The following PCDH15 variants were observed in gnomAD, a reference collection of about 807,000 sequenced individuals.
PCDH15 encodes the protein protocadherin related 15.
Under a neutral mutation model 178.5 loss-of-function variants are expected in PCDH15, and 129 were observed. The observed-to-expected ratio is 0.72, with a 90% CI of 0.63 to 0.84. The LOEUF is 0.84. PCDH15 is among the 40% of genes least tolerant of loss of function. The probability of loss-of-function intolerance (pLI) is 0.00; values close to 1 mark genes in which losing one functional copy is unlikely to be tolerated. For synonymous variants in PCDH15, 800 were observed against 732.0 expected (o/e 1.09, Z -1.50); for missense variants, 2,230 against 2,099.9 (o/e 1.06, Z -1.21).
chr10:54,396,097 C>T (rs1165064622), intron 3 of PCDH15, among the ~76,000 whole-genome samples: 1 of 152,154 alleles, frequency 6.6e-6, no homozygotes, highest in Non-Finnish European at 1.5e-5. Context: ...AAATATCCCC[C>T]TTCCCCTCTA....
Position 54,870,481 on chromosome 10 carries a change from T to C in PCDH15, c.-29+26969A>G, listed in dbSNP as rs145504560. Among the ~76,000 whole-genome samples, 76 of 152,226 alleles carry C rather than the reference T, an allele frequency of 5.0e-4. No individual in the cohort carries two copies. The East Asian group carries it at 0.012, about 24-fold the overall frequency. On this transcript the variant is annotated intron_variant, in intron 3 of 5. Coordinates refer to the PCDH15 transcript ENST00000458638. ...GTCACTGAGTTAGTTTGCAAGTACT[T>C]GGATCAAAATTCCACATAAAAAGAC...
chr10:55,278,250 T>A (rs1842645535), intron 1 of PCDH15, among the ~76,000 whole-genome samples: 1 of 151,426 alleles, frequency 6.6e-6, no homozygotes, highest in Non-Finnish European at 1.5e-5. Flanking sequence ...TATCTTTTCA[T>A]GAATATTAAA....
At chr10:54,490,466 A>C (rs118019711) in intron 3 of PCDH15, among the ~76,000 whole-genome samples, 6,607 of 151,742 alleles carry the variant, frequency 0.044, 231 homozygotes, top group South Asian at 0.11. Flanking sequence ...AAATAAATAA[A>C]TAATAAATAA....
intron 3 of PCDH15, among the ~76,000 whole-genome samples, chr10:54,889,381 C>A (rs1954419089): frequency 6.6e-6 from 1 of 151,232 alleles, no homozygotes; most frequent in Admixed American, 6.6e-5. Context: ...AGCATAATGA[C>A]AAGGAAATTA....
intron 2 of PCDH15, among the ~76,000 whole-genome samples, chr10:55,512,187 A>C (rs1163444765): frequency 1.3e-5 from 2 of 152,092 alleles, no homozygotes; most frequent in Non-Finnish European, 1.5e-5. Context: ...TGACTCGTGG[A>C]AATTTAAATA....
At chr10:55,376,162 T>G (rs910519721) in intron 2 of PCDH15, among the ~76,000 whole-genome samples, 3 of 152,090 alleles carry the variant, frequency 2.0e-5, no homozygotes, top group Admixed American at 6.6e-5. Flanking sequence ...GCATGTTTGG[T>G]TTGAGATTAA....
chr10:54,476,430 T>C (rs1393306690), intron 3 of PCDH15, among the ~76,000 whole-genome samples: 1 of 152,120 alleles, frequency 6.6e-6, no homozygotes, highest in Non-Finnish European at 1.5e-5. Context: ...CTGTGATCAA[T>C]TTAGCAGGTG....
chr10:54,188,594 A>G (rs2048684929), intron 11 of PCDH15, among the ~76,000 whole-genome samples: 1 of 151,908 alleles, frequency 6.6e-6, no homozygotes, highest in South Asian at 2.1e-4. Context: ...TTGAGATGGT[A>G]AAATAAGCTC....
At chr10:55,336,195 G>C (rs2132316693) in intron 2 of PCDH15, among the ~76,000 whole-genome samples, 1 of 147,540 alleles carries the variant, frequency 6.8e-6, no homozygotes, top group East Asian at 2.1e-4. Flanking sequence ...CTCCCTTGCA[G>C]CAGGGCATAA....
intron 2 of PCDH15, among the ~76,000 whole-genome samples, chr10:55,523,921 G>A (rs575699579): frequency 6.6e-6 from 1 of 151,586 alleles, no homozygotes; most frequent in South Asian, 2.1e-4. Context: ...TAGAATCAAA[G>A]CCCACATTCT....
chr10:55,609,278 T>A (rs531358468), intron 2 of PCDH15, among the ~76,000 whole-genome samples: 3 of 152,236 alleles, frequency 2.0e-5, no homozygotes, highest in South Asian at 4.1e-4. Context: ...CTACACCAGA[T>A]GACAAGAGAT....
At chr10:54,338,338 T>C (rs1464961013) in intron 6 of PCDH15, among the ~76,000 whole-genome samples, 1 of 152,216 alleles carries the variant, frequency 6.6e-6, no homozygotes, top group Admixed American at 6.5e-5. Context: ...AATTTTTTAG[T>C]AACCTACCTA....
chr10:54,729,380 C>T (rs1265726399), intron 1 of PCDH15, among the ~76,000 whole-genome samples: 1 of 151,542 alleles, frequency 6.6e-6, no homozygotes, highest in African/African-American at 2.4e-5. Context: ...AGAAGACTGA[C>T]ACTGGATCCT....
intron 2 of PCDH15, chr10:55,600,066 A>G: frequency 1.1e-6 from 1 of 899,872 alleles, no homozygotes; most frequent in Non-Finnish European, 1.5e-6. Flanking sequence ...CCCTGCATTA[A>G]AAATTTTGGT....
chr10:54,408,987 C>G (rs745619414), intron 3 of PCDH15, among the ~76,000 whole-genome samples: 2 of 152,202 alleles, frequency 1.3e-5, no homozygotes, highest in Non-Finnish European at 2.9e-5. Flanking sequence ...TGAGAGGGAC[C>G]CAGTGGGAGA....
chr10:53,957,397 A>C (rs1204553043), intron 23 of PCDH15, among the ~76,000 whole-genome samples: 1 of 152,140 alleles, frequency 6.6e-6, no homozygotes, highest in East Asian at 1.9e-4. Context: ...TTCTTCCAAA[A>C]CAGAAAACTG....
At chr10:55,070,171 G>T (rs1841692670) in intron 2 of PCDH15, among the ~76,000 whole-genome samples, 1 of 151,820 alleles carries the variant, frequency 6.6e-6, no homozygotes, top group Admixed American at 6.6e-5. Context: ...GTAGATTCTG[G>T]ATATTAGCCC....
At chr10:54,189,044 A>G (rs2048729178) in intron 11 of PCDH15, among the ~76,000 whole-genome samples, 1 of 151,992 alleles carries the variant, frequency 6.6e-6, no homozygotes, top group Non-Finnish European at 1.5e-5. Context: ...TAAATTACCA[A>G]TGTTTGTTGT....
chr10:54,653,085 G>C (rs2094298101), intron 2 of PCDH15, among the ~76,000 whole-genome samples: 1 of 152,152 alleles, frequency 6.6e-6, no homozygotes, highest in African/African-American at 2.4e-5. Context: ...ATAACCCTAT[G>C]AGAGAGGTAG....
Sources: allele counts gnomAD v4.1 joint callset (sites outside exome capture counted in the v4.1 genomes callset), GRCh38; gene constraint gnomAD v4.1.1; transcripts MANE v1.5; gene names NCBI Gene and HGNC (gene_info 2026-07-23, HGNC 2026-07-21).